The following USP29 variants were observed in gnomAD, a reference collection of about 807,000 sequenced individuals.
The protein encoded by USP29 is ubiquitin specific peptidase 29.
For missense variants in USP29, 1,102 were observed against 1,069.0 expected (o/e 1.03, Z -0.43); for synonymous variants, 386 against 387.4 (o/e 1.00, Z 0.04).
rs2086847737 is a variant in USP29, at chr19:57,130,055, A to G, written c.1380A>G (p.Gln460=). ...PNNYLSINLH[Q]ETKPLPLSIQ... ...ATTATCTCTCCATCAACCTGCACCAAGAAACAAAACCACTTCCTTTGTCCA... is the reference window on the plus strand; with the variant it reads ...ATTATCTCTCCATCAACCTGCACCAGGAAACAAAACCACTTCCTTTGTCCA... The change falls in exon 4 of 4, where the codon CAA becomes CAG. Residue 460 remains glutamine (Q), a synonymous_variant. Coordinates refer to ENST00000254181, the MANE Select transcript of USP29 (RefSeq NM_020903.3). 1.2e-6 allele frequency: 2 copies of G among 1,613,696 alleles called. No homozygotes were observed. The highest frequency in any genetic ancestry group is 2.7e-5 in the African/African-American group (2 of 75,020).
chr19:57,128,700 T>A lies in USP29; in HGVS notation c.25T>A (p.Phe9Ile). The A allele has an allele frequency of 6.2e-7, 1 of 1,600,120 alleles. No individual in the cohort carries two copies. Among genetic ancestry groups the A allele is most frequent in the Non-Finnish European group, 8.5e-7 (1 of 1,176,024 alleles). The change falls in exon 4 of 4, where the codon TTC becomes ATC. Residue 9 changes from phenylalanine (F) to isoleucine (I), a missense_variant. Coordinates refer to ENST00000254181, the MANE Select transcript of USP29 (RefSeq NM_020903.3). The stretch of plus-strand genomic sequence containing the variant: ...GATGATATCTCTAAAGGTATGTGGA[T>A]TCATCCAAATTTGGAGCCAGAAGAC... MISLKVCG[F>I]IQIWSQKTGM...
chr19:57,121,988 A>G (rs1295797603), intron 1 of USP29, among the ~76,000 whole-genome samples: 1 of 151,794 alleles, frequency 6.6e-6, no homozygotes. Context: ...TACATAGAAC[A>G]TCAAAAGAGG....
chr19:57,129,654 G>T lies in USP29; in HGVS notation c.979G>T (p.Ala327Ser). The T allele has an allele frequency of 1.2e-6, 2 of 1,614,102 alleles. No individual in the cohort carries two copies. The highest frequency in any genetic ancestry group is 1.7e-6 in the Non-Finnish European group (2 of 1,180,038). Residue 327 changes from alanine to serine, a missense_variant, in exon 4 of 4, where the codon GCT (alanine) becomes TCT (serine). Transcript: ENST00000254181. The part of the protein sequence containing the change: ...GVPWEYIPFE[A>S]LIMTLTQLLA... ...CCCATGGGAATATATTCCCTTTGAG[G>T]CTCTTATTATGACCTTGACCCAGCT...
At position 57,131,399 on chromosome 19, in the gene USP29, C is replaced by T. The variant is rs1303338871; in HGVS notation, c.2724C>T (p.Ile908=). The T allele has an allele frequency of 6.2e-7, 1 of 1,613,970 alleles. No individual in the cohort carries two copies. Among genetic ancestry groups the T allele is most frequent in the South Asian group, 1.1e-5 (1 of 91,044 alleles). ...TACCTAGCACACAGGCAGGGGTGAT[C>T]CCTCAGGGGGAATACGAAGGTGACT... ...SRLPSTQAGV[I]PQGEYEGDSL... is the part of the protein sequence containing the mutation. The change falls in exon 4 of 4, where the codon ATC becomes ATT. Residue 908 remains isoleucine, a synonymous_variant. Transcript: ENST00000254181.
chr19:57,124,582 C>G (rs1383990935), intron 3 of USP29, among the ~76,000 whole-genome samples: 1 of 150,722 alleles, frequency 6.6e-6, no homozygotes, highest in Non-Finnish European at 1.5e-5. Flanking sequence ...GATCTCTGTT[C>G]ACTGCAACCT....
chr19:57,119,802 A>G (rs1343199441), upstream of USP29, among the ~76,000 whole-genome samples: 1 of 152,132 alleles, frequency 6.6e-6, no homozygotes. Context: ...TTGAGGCTGA[A>G]TGGGTAACAG....
intron 1 of USP29, among the ~76,000 whole-genome samples, chr19:57,120,788 C>CAAAAAAAAAAAAAAAAA (rs71293954): frequency 3.2e-5 from 1 of 31,146 alleles, no homozygotes; most frequent in African/African-American, 1.1e-4. Flanking sequence ...GACTCCGTCT[C>CAAAAAAAAAAAAAAAAA]AAAAAAAAAA....
chr19:57,126,410 T>C (rs28841103), intron 3 of USP29, among the ~76,000 whole-genome samples: 12,204 of 152,204 alleles, frequency 0.08, 540 homozygotes, highest in East Asian at 0.17. Context: ...ATCGTAGGTT[T>C]GGTCTTTTCA....
At chr19:57,126,237 G>C (rs1016341172) in intron 3 of USP29, among the ~76,000 whole-genome samples, 2 of 152,060 alleles carry the variant, frequency 1.3e-5, no homozygotes, top group African/African-American at 4.8e-5. Flanking sequence ...TATGTGTCTT[G>C]GGGTTGCTCT....
chr19:57,120,797 A>AAAAAAAAAAC (rs1232483480), intron 1 of USP29, among the ~76,000 whole-genome samples: 3 of 146,576 alleles, frequency 2.0e-5, no homozygotes, highest in Admixed American at 1.4e-4. Flanking sequence ...TCAAAAAAAA[A>AAAAAAAAAAC]AAAAAAAAAA....
intron 3 of USP29, among the ~76,000 whole-genome samples, chr19:57,126,332 G>A (rs1169810439): frequency 6.6e-6 from 1 of 152,046 alleles, no homozygotes; most frequent in Non-Finnish European, 1.5e-5. Context: ...AGTTCTCCTG[G>A]ATAATATCCC....
Position 57,130,964 on chromosome 19 carries a change from T to C in USP29, c.2289T>C (p.His763=). 1 of 1,614,118 alleles carries C rather than the reference T, an allele frequency of 6.2e-7. No individual in the cohort carries two copies. Among genetic ancestry groups the C allele is most frequent in the Non-Finnish European group, 8.5e-7 (1 of 1,180,012 alleles). The change falls in exon 4 of 4, where the codon CAT becomes CAC. Residue 763 remains histidine, a synonymous_variant. Coordinates refer to ENST00000254181, the MANE Select transcript of USP29 (RefSeq NM_020903.3). The stretch of plus-strand genomic sequence containing the variant: ...TTAGGAAGCTGGATGCCCAGGAACA[T>C]ACAGAAGAGACCCTCAATCAGTCTA... ...PGVRKLDAQE[H]TEETLNQSTE...
Position 57,130,022 on chromosome 19 carries a change from A to G in USP29, c.1347A>G (p.Glu449=), listed in dbSNP as rs1466056470. The G allele has an allele frequency of 2.5e-6, 4 of 1,613,970 alleles. No homozygotes were observed. The African/African-American group carries it at 5.3e-5, about 22-fold the overall frequency. The change falls in exon 4 of 4, where the codon GAA becomes GAG. Residue 449 remains glutamate (E), a synonymous_variant. Coordinates refer to ENST00000254181, the MANE Select transcript of USP29 (RefSeq NM_020903.3). ...GTGGTCATGCTGTTCTCAAGGTAGA[A>G]CCTAATAATTATCTCTCCATCAACC... The part of the protein sequence containing the change: ...KACGHAVLKV[E]PNNYLSINLH...
chr19:57,119,674 C>T (rs1357417293), upstream of USP29, among the ~76,000 whole-genome samples: 1 of 152,168 alleles, frequency 6.6e-6, no homozygotes, highest in Non-Finnish European at 1.5e-5. Flanking sequence ...CCGCCCTCCT[C>T]GGCCTCCCAA....
rs753639836 is a variant in USP29, at chr19:57,130,080, A to T, written c.1405A>T (p.Ile469Phe). 3 of 1,613,468 alleles carry T rather than the reference A, an allele frequency of 1.9e-6. No individual in the cohort carries two copies. In the Admixed American group the frequency reaches 5.0e-5, roughly 27 times the overall value. ...AGAAACAAAACCACTTCCTTTGTCC[A>T]TTCAGAATTCTTTAGATCTTTTCTT... ...HQETKPLPLSIQNSLDLFFKE... is the reference protein window; with the variant it reads ...HQETKPLPLSFQNSLDLFFKE... Residue 469 changes from isoleucine to phenylalanine, a missense_variant, in exon 4 of 4, where the codon ATT becomes TTT. Coordinates refer to ENST00000254181, the MANE Select transcript of USP29 (RefSeq NM_020903.3).
At position 57,128,898 on chromosome 19, in the gene USP29, A is replaced by C. The variant is rs1348766192; in HGVS notation, c.223A>C (p.Thr75Pro). 1.2e-6 allele frequency: 2 copies of C among 1,613,762 alleles called. No individual in the cohort carries two copies. The highest frequency in any genetic ancestry group is 2.2e-5 in the South Asian group (2 of 90,928). The change falls in exon 4 of 4, where the codon ACT becomes CCT. Residue 75 changes from threonine (T) to proline (P), a missense_variant. Coordinates refer to ENST00000254181, the MANE Select transcript of USP29 (RefSeq NM_020903.3). ...CKKRQSHLRL[T>P]LKNNVFLFID... ...AAAAAGACAAAGTCACCTGCGTTTA[A>C]CTTTGAAAAACAACGTGTTCTTGTT... is the stretch of plus-strand genomic sequence containing the variant.
intron 3 of USP29, 41 bp from the exon 4 acceptor site, chr19:57,128,619 T>C: frequency 1.3e-6 from 2 of 1,500,894 alleles, no homozygotes; most frequent in Non-Finnish European, 1.8e-6. Context: ...TAACTGTTAA[T>C]ATATTCTTGG....
chr19:57,131,674 C>A lies in USP29; in HGVS notation c.*230C>A. 1 of 618,806 alleles carries A rather than the reference C, an allele frequency of 1.6e-6. No homozygotes were observed. The highest frequency in any genetic ancestry group is 3.4e-5 in the South Asian group (1 of 29,060). 38.3% of individuals were successfully genotyped at this position (618,806 alleles called of 1,614,324 possible). On this transcript the variant is annotated 3_prime_UTR_variant, in exon 4 of 4. Transcript: ENST00000254181. ...TGCAAGATTAGAATGGTGCTCTTCA[C>A]GTTTTGACGGTGGTTTTCAAAATGT...
rs144816680 is a variant in USP29 at position 57,124,115 on chromosome 19, G to C, written c.-41G>C. On this transcript the variant is annotated 5_prime_UTR_variant, in exon 3 of 4. Transcript: ENST00000254181. Reference sequence around the variant, plus strand: ...TCCAAAGCTTAAACTTCAGTAAATTGACTCAAGTTTCTTCGGAAAGAACTG... The same window carrying C: ...TCCAAAGCTTAAACTTCAGTAAATTCACTCAAGTTTCTTCGGAAAGAACTG... The C allele has an allele frequency of 1.2e-3, 187 of 152,260 alleles. 2 individuals are homozygous for C. Among genetic ancestry groups the C allele is most frequent in the Admixed American group, 0.012 (177 of 15,284 alleles). The allele number at this position is 152,260 out of a possible 1,614,324, so 9.4% of individuals were successfully genotyped here.
Sources: gnomAD v4.1 joint callset for allele counts (sites outside exome capture counted in the v4.1 genomes callset) on GRCh38, gnomAD v4.1.1 for gene constraint, MANE v1.5 for transcripts, NCBI Gene and HGNC (gene_info 2026-07-23, HGNC 2026-07-21) for gene names.